Variants in MARCHF10 observed in about 807,000 individuals in gnomAD.
MARCHF10 encodes probable E3 ubiquitin-protein ligase MARCHF10.
MARCHF10 carries 64 observed loss-of-function variants against 76.2 expected under a neutral mutation model. That is an observed-to-expected ratio of 0.84 (90% CI 0.69 to 1.03). MARCHF10 has a LOEUF of 1.03. Ranked by LOEUF, MARCHF10 falls within the 50% of genes least tolerant of loss-of-function variation. MARCHF10 has a pLI of 0.00. For missense variants in MARCHF10, 875 were observed against 958.0 expected (o/e 0.91, Z 1.14); for synonymous variants, 340 against 357.5 (o/e 0.95, Z 0.55).
At chr17:62,748,832 C>T (rs1383443900) in intron 4 of MARCHF10, among the ~76,000 whole-genome samples, 8 of 152,132 alleles carry the variant, frequency 5.3e-5, no homozygotes, top group Non-Finnish European at 1.2e-4. Context: ...CCTTTGGGGG[C>T]TAGGATGGGT....
chr17:62,723,785 C>A (rs956704035), intron 7 of MARCHF10, among the ~76,000 whole-genome samples: 1 of 151,958 alleles, frequency 6.6e-6, no homozygotes, highest in South Asian at 2.1e-4. Context: ...TCGTTAGCAA[C>A]CAAAATCTAC....
intron 3 of MARCHF10, among the ~76,000 whole-genome samples, chr17:62,770,002 T>C (rs1597971437): frequency 6.6e-6 from 1 of 152,182 alleles, no homozygotes; most frequent in African/African-American, 2.4e-5. Flanking sequence ...ATAGATAGTT[T>C]TTCAATCCAC....
Position 62,760,265 on chromosome 17 carries a change from G to A in MARCHF10, c.211-259C>T, listed in dbSNP as rs528893058. Among the ~76,000 whole-genome samples the A allele has an allele frequency of 2.8e-4, 42 of 152,268 alleles. 1 individual carries two copies. The South Asian group carries it at 8.5e-3, about 31-fold the overall frequency. ...TTTCTGTGAGTGTGTTTTGTAGAACGTTATGAAAAGAATGCATTTCTGACC... is the reference window on the plus strand; with the variant it reads ...TTTCTGTGAGTGTGTTTTGTAGAACATTATGAAAAGAATGCATTTCTGACC... On this transcript the variant is annotated intron_variant, in intron 3 of 10. Coordinates refer to ENST00000311269, the MANE Select transcript of MARCHF10 (RefSeq NM_152598.4).
In MARCHF10 at chr17:62,794,069, TCAC is replaced by T. The variant is rs779100108; in HGVS notation, c.91-5473_91-5471del. On this transcript the variant is annotated intron_variant, in intron 2 of 10. Transcript: ENST00000311269. ...TCCATAACCACCATCACCACCTCCATCACCACCACCACCACAACCATCGCCACC... is the reference window on the plus strand; with the variant it reads ...TCCATAACCACCATCACCACCTCCATCACCACCACCACAACCATCGCCACC... Among the ~76,000 whole-genome samples, 46 of 105,198 alleles carry T rather than the reference TCAC, an allele frequency of 4.4e-4. No individual in the cohort carries two copies. The East Asian group carries it at 4.5e-3, about 10-fold the overall frequency. 69.0% of individuals were successfully genotyped at this position (105,198 alleles called of 152,430 possible). A position where few individuals can be genotyped will look rare whatever the true frequency, so the allele number is the denominator to read the frequency against.
At chr17:62,764,171 C>T (rs1223458629) in intron 3 of MARCHF10, among the ~76,000 whole-genome samples, 1 of 152,098 alleles carries the variant, frequency 6.6e-6, no homozygotes, top group African/African-American at 2.4e-5. Context: ...AATGATAAGG[C>T]GACAGTGAAC....
chr17:62,705,194 G>A, intron 10 of MARCHF10: 1 of 1,230,978 alleles, frequency 8.1e-7, no homozygotes, highest in Non-Finnish European at 1.0e-6. Flanking sequence ...AATCCTGGCA[G>A]TAAAAAAACC....
chr17:62,799,107 G>C (rs537722598), intron 2 of MARCHF10, among the ~76,000 whole-genome samples: 1 of 152,198 alleles, frequency 6.6e-6, no homozygotes, highest in Non-Finnish European at 1.5e-5. Context: ...GTTTAAAATC[G>C]TGATGATAAC....
In MARCHF10 at chr17:62,789,019, C is replaced by T. The variant is rs907445737; in HGVS notation, c.91-420G>A. Among the ~76,000 whole-genome samples, 951 of 138,430 alleles carry T rather than the reference C, an allele frequency of 6.9e-3. 9 individuals are homozygous for T. The highest frequency in any genetic ancestry group is 0.024 in the African/African-American group (893 of 37,376). The allele number at this position is 138,430 out of a possible 152,430, so 90.8% of individuals were successfully genotyped here. On this transcript the variant is annotated intron_variant, in intron 2 of 10. Transcript: ENST00000311269. ...CGGAGCTTGCAGTGAGCCGAGATTG[C>T]GCCACTGCAGTCCGCAGTCCGGCCT...
chr17:62,718,548 C>T (rs1376294279), intron 8 of MARCHF10, among the ~76,000 whole-genome samples: 1 of 152,192 alleles, frequency 6.6e-6, no homozygotes, highest in African/African-American at 2.4e-5. Context: ...CTGGGCAACC[C>T]ATCCTCACGT....
At chr17:62,737,499 G>A in intron 5 of MARCHF10, 167 bp from the exon 6 acceptor site, 1 of 654,812 alleles carries the variant, frequency 1.5e-6, no homozygotes. Flanking sequence ...AGCCCAGCAG[G>A]CTTCATTTTA....
intron 5 of MARCHF10, among the ~76,000 whole-genome samples, chr17:62,740,503 T>C (rs986190662): frequency 5.9e-5 from 9 of 152,252 alleles, no homozygotes; most frequent in African/African-American, 1.4e-4. Flanking sequence ...TTGGAAACTA[T>C]AGAAGAAGAT....
intron 10 of MARCHF10, 34 bp downstream of exon 10, chr17:62,705,505 C>T: frequency 1.2e-6 from 2 of 1,614,030 alleles, no homozygotes; most frequent in South Asian, 1.1e-5. Flanking sequence ...TAGCAAACAC[C>T]CTCAAAATGG....
At chr17:62,740,927 C>T (rs1396386951) in intron 5 of MARCHF10, among the ~76,000 whole-genome samples, 1 of 152,176 alleles carries the variant, frequency 6.6e-6, no homozygotes, top group East Asian at 1.9e-4. Flanking sequence ...CGTGTCTGGC[C>T]ATGGCTCAGT....
At chr17:62,802,575 A>G (rs1340346117) in intron 1 of MARCHF10, among the ~76,000 whole-genome samples, 1 of 152,284 alleles carries the variant, frequency 6.6e-6, no homozygotes, top group East Asian at 1.9e-4. Context: ...AATCCTAACT[A>G]TGATAGGCCC....
intron 4 of MARCHF10, among the ~76,000 whole-genome samples, chr17:62,746,383 T>C (rs1207684748): frequency 6.6e-6 from 1 of 151,884 alleles, no homozygotes; most frequent in African/African-American, 2.4e-5. Flanking sequence ...AGTCTTGGGA[T>C]GGCGTAGGAT....
chr17:62,799,287 A>G (rs1421169764), intron 2 of MARCHF10, among the ~76,000 whole-genome samples: 3 of 152,036 alleles, frequency 2.0e-5, no homozygotes, highest in African/African-American at 7.2e-5. Context: ...AAGTCACCAG[A>G]ATCTCTCTCC....
intron 2 of MARCHF10, among the ~76,000 whole-genome samples, chr17:62,797,590 C>G (rs1202297017): frequency 2.6e-5 from 4 of 152,174 alleles, no homozygotes; most frequent in African/African-American, 4.8e-5. Context: ...TCCTCACCAC[C>G]TTTGCCCAGG....
intron 6 of MARCHF10, among the ~76,000 whole-genome samples, chr17:62,726,365 A>G (rs1433660338): frequency 6.6e-6 from 1 of 152,226 alleles, no homozygotes; most frequent in African/African-American, 2.4e-5. Context: ...TATATGCTCA[A>G]TTTCTTGAAA....
At chr17:62,781,564 T>G (rs2092658316) in intron 3 of MARCHF10, among the ~76,000 whole-genome samples, 1 of 152,208 alleles carries the variant, frequency 6.6e-6, no homozygotes, top group Admixed American at 6.5e-5. Flanking sequence ...TGATAGGTAT[T>G]GCTTCATCTT....
Sources: allele counts gnomAD v4.1 joint callset (sites outside exome capture counted in the v4.1 genomes callset), GRCh38; gene constraint gnomAD v4.1.1; transcripts MANE v1.5; gene names NCBI Gene and HGNC (gene_info 2026-07-23, HGNC 2026-07-21).